PSMA1: variants seen among roughly 807,000 people sequenced by gnomAD.
The protein encoded by PSMA1 is proteasome subunit alpha type-1.
Under a neutral mutation model 38.4 loss-of-function variants are expected in PSMA1, and 3 were observed. That is an observed-to-expected ratio of 0.08 (90% CI 0.04 to 0.20). PSMA1 has a LOEUF of 0.20. Ranked by LOEUF, PSMA1 falls within the 10% of genes least tolerant of loss-of-function variation. The probability of loss-of-function intolerance (pLI) is 1.00; values close to 1 mark genes in which losing one functional copy is unlikely to be tolerated. For synonymous variants in PSMA1, 101 were observed against 107.1 expected (o/e 0.94, Z 0.35); for missense variants, 227 against 325.3 (o/e 0.70, Z 2.32).
chr11:14,599,821 C>T (rs930013701), intron 2 of PSMA1, among the ~76,000 whole-genome samples: 1 of 152,182 alleles, frequency 6.6e-6, no homozygotes, highest in Non-Finnish European at 1.5e-5. Flanking sequence ...AGAAAAGGCA[C>T]TGTGAGTTTT....
intron 2 of PSMA1, among the ~76,000 whole-genome samples, chr11:14,601,198 G>A (rs1400509799): frequency 6.6e-6 from 1 of 152,216 alleles, no homozygotes; most frequent in Admixed American, 6.5e-5. Context: ...AAATGGGTCA[G>A]TGCTAACTCA....
intron 4 of PSMA1, among the ~76,000 whole-genome samples, chr11:14,514,993 T>C (rs907627430): frequency 6.6e-6 from 1 of 152,250 alleles, no homozygotes; most frequent in Non-Finnish European, 1.5e-5. Context: ...CTAGAGGAGA[T>C]ACTGGACACT....
intron 2 of PSMA1, among the ~76,000 whole-genome samples, chr11:14,580,247 A>G (rs558002619): frequency 1.3e-5 from 2 of 151,280 alleles, no homozygotes; most frequent in Admixed American, 1.3e-4. Context: ...ATCTCTCACC[A>G]CTCTCCCTCA....
At chr11:14,587,312 C>T (rs749865552) in intron 2 of PSMA1, among the ~76,000 whole-genome samples, 49 of 152,290 alleles carry the variant, frequency 3.2e-4, no homozygotes, top group Middle Eastern at 3.4e-3. Context: ...TGGAATCTGG[C>T]GGTGTCCCTC....
chr11:14,628,206 G>A (rs954821617), intron 1 of PSMA1, among the ~76,000 whole-genome samples: 1 of 151,246 alleles, frequency 6.6e-6, no homozygotes, highest in African/African-American at 2.4e-5. Flanking sequence ...TAGGGTACAC[G>A]TGCACATTGT....
chr11:14,514,588 AC>A, intron 4 of PSMA1, 97 bp from the exon 5 acceptor site: 2 of 914,736 alleles, frequency 2.2e-6, no homozygotes, highest in Non-Finnish European at 3.1e-6. Flanking sequence ...CCAAGCGTTT[AC>A]ATGGATAACA....
intron 1 of PSMA1, among the ~76,000 whole-genome samples, chr11:14,627,250 AGTAT>A (rs757081906): frequency 1.3e-5 from 2 of 152,194 alleles, no homozygotes; most frequent in Non-Finnish European, 2.9e-5. Context: ...CTCATCATTA[AGTAT>A]GTTCAAATCC....
At chr11:14,517,513 A>C (rs1184185603) in intron 4 of PSMA1, 129 bp downstream of exon 4, 1 of 749,802 alleles carries the variant, frequency 1.3e-6, no homozygotes, top group Non-Finnish European at 2.1e-6. Context: ...AAAACCACCA[A>C]GGTATTCATA....
intron 8 of PSMA1, 78 bp downstream of exon 8, chr11:14,510,794 T>C (rs1851329631): frequency 2.0e-6 from 2 of 1,007,336 alleles, no homozygotes; most frequent in Non-Finnish European, 1.5e-6. Flanking sequence ...GAATGTTGCA[T>C]ATATACTCCA....
intron 2 of PSMA1, among the ~76,000 whole-genome samples, chr11:14,584,507 GTTTTTTTTT>G (rs58620375): frequency 8.0e-6 from 1 of 124,780 alleles, no homozygotes; most frequent in Non-Finnish European, 1.7e-5. Context: ...TTTGTTTTTT[GTTTTTTTTT>G]TTTTTTTTTT....
intron 2 of PSMA1, among the ~76,000 whole-genome samples, chr11:14,586,517 T>C (rs1852347742): frequency 6.6e-6 from 1 of 152,222 alleles, no homozygotes; most frequent in Non-Finnish European, 1.5e-5. Flanking sequence ...TTCATTATTC[T>C]TTATACTGTA....
chr11:14,514,531 T>A, intron 4 of PSMA1, 40 bp from the exon 5 acceptor site: 1 of 1,390,564 alleles, frequency 7.2e-7, no homozygotes, highest in Non-Finnish European at 9.7e-7. Context: ...TTTCAAATTA[T>A]AGACAACTAT....
chr11:14,571,429 G>A (rs1008518174), intron 2 of PSMA1, among the ~76,000 whole-genome samples: 3 of 152,152 alleles, frequency 2.0e-5, no homozygotes, highest in South Asian at 2.1e-4. Flanking sequence ...AGCTTCACAA[G>A]TGAAGGAGAA....
At chr11:14,592,292 T>C (rs1852426852) in intron 2 of PSMA1, among the ~76,000 whole-genome samples, 1 of 151,822 alleles carries the variant, frequency 6.6e-6, no homozygotes, top group African/African-American at 2.4e-5. Flanking sequence ...CGCTGCTCGC[T>C]CCTCCTCGTC....
chr11:14,632,941 C>T (rs1853047684), intron 1 of PSMA1, among the ~76,000 whole-genome samples: 1 of 149,732 alleles, frequency 6.7e-6, no homozygotes, highest in African/African-American at 2.4e-5. Context: ...GCTCCTGAGG[C>T]TTCTGCATTC....
chr11:14,586,516 C>T (rs1255687459), intron 2 of PSMA1, among the ~76,000 whole-genome samples: 3 of 151,788 alleles, frequency 2.0e-5, no homozygotes, highest in African/African-American at 7.3e-5. Flanking sequence ...TTTCATTATT[C>T]TTTATACTGT....
intron 2 of PSMA1, among the ~76,000 whole-genome samples, chr11:14,591,359 T>G (rs550857435): frequency 6.6e-6 from 1 of 152,094 alleles, no homozygotes; most frequent in Admixed American, 6.5e-5. Context: ...ACTCTGTGGG[T>G]TCCTGGGCAG....
chr11:14,552,822 T>A (rs1332904693), intron 2 of PSMA1, among the ~76,000 whole-genome samples: 2 of 79,684 alleles, frequency 2.5e-5, no homozygotes, highest in African/African-American at 2.0e-4. Context: ...TTATATAACT[T>A]TTTTTTTTTT....
chr11:14,547,355 G>A (rs1369090675), intron 2 of PSMA1, among the ~76,000 whole-genome samples: 1 of 152,168 alleles, frequency 6.6e-6, no homozygotes, highest in African/African-American at 2.4e-5. Context: ...TAAAAATTCA[G>A]GGAATTTTGT....
Sources: allele counts gnomAD v4.1 joint callset (sites outside exome capture counted in the v4.1 genomes callset), GRCh38; gene constraint gnomAD v4.1.1; transcripts MANE v1.5; gene names NCBI Gene and HGNC (gene_info 2026-07-23, HGNC 2026-07-21).